The following FCHSD2 variants were observed in gnomAD, a reference collection of about 807,000 sequenced individuals.
The protein encoded by FCHSD2 is F-BAR and double SH3 domains protein 2.
In FCHSD2, 38 loss-of-function variants were observed where a neutral mutation model predicts 108.1. That is an observed-to-expected ratio of 0.35 (90% CI 0.27 to 0.46). The LOEUF is 0.46. FCHSD2 is among the 20% of genes least tolerant of loss of function. FCHSD2 has a pLI of 1.00. For synonymous variants in FCHSD2, 279 were observed against 314.7 expected (o/e 0.89, Z 1.20); for missense variants, 751 against 897.8 (o/e 0.84, Z 2.09).
intron 9 of FCHSD2, among the ~76,000 whole-genome samples, chr11:72,918,118 G>T (rs1311496413): frequency 6.6e-6 from 1 of 151,896 alleles, no homozygotes; most frequent in Non-Finnish European, 1.5e-5. Flanking sequence ...TAACTCCTTT[G>T]GTTAAGTTTA....
intron 4 of FCHSD2, among the ~76,000 whole-genome samples, chr11:73,014,130 T>C (rs1857918954): frequency 7.0e-6 from 1 of 143,578 alleles, no homozygotes; most frequent in Admixed American, 6.9e-5. Context: ...GTTTCTTTTT[T>C]TTTTTTTTTT....
At chr11:73,022,006 A>G (rs1591488787) in intron 3 of FCHSD2, among the ~76,000 whole-genome samples, 1 of 152,036 alleles carries the variant, frequency 6.6e-6, no homozygotes, top group African/African-American at 2.4e-5. Context: ...AGATGGGAGG[A>G]TCACTTGAGC....
At chr11:73,061,099 CAACTGAGGT>C (rs1859149437) in intron 3 of FCHSD2, among the ~76,000 whole-genome samples, 1 of 152,222 alleles carries the variant, frequency 6.6e-6, no homozygotes, top group Admixed American at 6.5e-5. Context: ...TCTGCATGTC[CAACTGAGGT>C]ACCTGGTTCA....
intron 12 of FCHSD2, among the ~76,000 whole-genome samples, chr11:72,884,145 T>C (rs1397604415): frequency 6.6e-6 from 1 of 152,116 alleles, no homozygotes; most frequent in Non-Finnish European, 1.5e-5. Context: ...ATTCTTTATG[T>C]GATGAAAAAC....
chr11:73,097,388 T>A (rs77754605), intron 2 of FCHSD2, among the ~76,000 whole-genome samples: 2,368 of 151,504 alleles, frequency 0.016, 52 homozygotes, highest in African/African-American at 0.05. Context: ...TTATTTATTT[T>A]TTTTTTTTGC....
intron 2 of FCHSD2, among the ~76,000 whole-genome samples, chr11:73,132,824 GAAAAAA>G (rs35412486): frequency 3.6e-5 from 4 of 110,920 alleles, no homozygotes; most frequent in Non-Finnish European, 5.1e-5. Flanking sequence ...AACGGTAACA[GAAAAAA>G]AAAAAAAAAA....
chr11:73,025,582 AC>A (rs1457458451), intron 3 of FCHSD2, among the ~76,000 whole-genome samples: 1 of 152,026 alleles, frequency 6.6e-6, no homozygotes, highest in Non-Finnish European at 1.5e-5. Flanking sequence ...CTGTACCACA[AC>A]CCCCGATGAC....
intron 8 of FCHSD2, among the ~76,000 whole-genome samples, chr11:72,933,223 A>T (rs1856230173): frequency 6.6e-6 from 1 of 152,140 alleles, no homozygotes; most frequent in South Asian, 2.1e-4. Flanking sequence ...CCTTGACTTA[A>T]ATTAGGTCAT....
intron 13 of FCHSD2, among the ~76,000 whole-genome samples, chr11:72,856,367 C>T (rs1489328016): frequency 6.6e-6 from 1 of 152,130 alleles, no homozygotes; most frequent in Non-Finnish European, 1.5e-5. Context: ...ATGGCTTTCT[C>T]TTGAGTAATT....
chr11:73,137,389 C>G (rs1248198486), intron 2 of FCHSD2, among the ~76,000 whole-genome samples: 1 of 152,134 alleles, frequency 6.6e-6, no homozygotes, highest in Non-Finnish European at 1.5e-5. Context: ...ATTATATACT[C>G]TACAACAAAC....
chr11:72,909,209 G>A lies in FCHSD2; in HGVS notation c.829-6571C>T, dbSNP rs183686924. Among the ~76,000 whole-genome samples the A allele has an allele frequency of 1.1e-3, 161 of 152,072 alleles. 3 individuals carry two copies. Among genetic ancestry groups the A allele is most frequent in the Non-Finnish European group, 1.9e-4 (13 of 67,986 alleles). On this transcript the variant is annotated intron_variant, in intron 9 of 19. Transcript: ENST00000409418. ...ACGCCGCCACGCCTGACTGGTTTTT[G>A]TATTTTTGGTGGAGACGGGGTTTCG...
chr11:73,023,616 C>T (rs1305736743), intron 3 of FCHSD2, among the ~76,000 whole-genome samples: 1 of 152,156 alleles, frequency 6.6e-6, no homozygotes, highest in Non-Finnish European at 1.5e-5. Flanking sequence ...CTTTGAAAGA[C>T]AGTTTTGAAA....
chr11:72,903,478 TA>T (rs1413299762), intron 9 of FCHSD2, among the ~76,000 whole-genome samples: 1 of 152,040 alleles, frequency 6.6e-6, no homozygotes, highest in Non-Finnish European at 1.5e-5. Context: ...CTCGGCCTCC[TA>T]AAGTGCTGGG....
At chr11:72,883,584 A>C (rs1463406303) in intron 12 of FCHSD2, among the ~76,000 whole-genome samples, 1 of 152,234 alleles carries the variant, frequency 6.6e-6, no homozygotes, top group East Asian at 1.9e-4. Context: ...AGCCAAATGC[A>C]ATTCAAAACC....
chr11:72,904,867 T>C (rs1265284777), intron 9 of FCHSD2, among the ~76,000 whole-genome samples: 2 of 152,244 alleles, frequency 1.3e-5, no homozygotes, highest in African/African-American at 2.4e-5. Context: ...GAGTTTCCTG[T>C]AGTCTGGGAA....
chr11:73,019,356 C>T (rs1364849528), intron 3 of FCHSD2, among the ~76,000 whole-genome samples: 1 of 152,148 alleles, frequency 6.6e-6, no homozygotes, highest in East Asian at 1.9e-4. Flanking sequence ...AAATACTTTA[C>T]TTCAAATCAT....
chr11:72,980,743 T>C, intron 8 of FCHSD2, among the ~76,000 whole-genome samples: 1 of 150,712 alleles, frequency 6.6e-6, no homozygotes, highest in East Asian at 1.9e-4. Flanking sequence ...TGTATATATG[T>C]GTGTGTATAT....
intron 3 of FCHSD2, among the ~76,000 whole-genome samples, chr11:73,035,644 T>C (rs770094357): frequency 5.9e-5 from 9 of 152,160 alleles, no homozygotes; most frequent in Non-Finnish European, 1.0e-4. Flanking sequence ...GAGAATTTTC[T>C]ACAATATGCC....
At chr11:73,013,306 C>A (rs1242505954) in intron 4 of FCHSD2, among the ~76,000 whole-genome samples, 1 of 152,148 alleles carries the variant, frequency 6.6e-6, no homozygotes, top group Non-Finnish European at 1.5e-5. Context: ...TTTTACCAAA[C>A]TGTCTGCCTG....
Sources: gnomAD v4.1 joint callset for allele counts (sites outside exome capture counted in the v4.1 genomes callset) on GRCh38, gnomAD v4.1.1 for gene constraint, MANE v1.5 for transcripts, NCBI Gene and HGNC (gene_info 2026-07-23, HGNC 2026-07-21) for gene names.